RIMS2: variants seen among roughly 807,000 people sequenced by gnomAD.
RIMS2 encodes the protein regulating synaptic membrane exocytosis protein 2.
A neutral mutation model predicts 174.4 loss-of-function variants in RIMS2; 59 were observed. That is an observed-to-expected ratio of 0.34 (90% CI 0.27 to 0.42). The LOEUF (loss-of-function observed/expected upper bound fraction) is 0.42, where lower values mean the gene tolerates loss of function less well. Ranked by LOEUF, RIMS2 falls within the 10% of genes least tolerant of loss-of-function variation. The probability of loss-of-function intolerance (pLI) is 1.00; values close to 1 mark genes in which losing one functional copy is unlikely to be tolerated. For synonymous variants in RIMS2, 606 were observed against 572.5 expected, an observed-to-expected ratio of 1.06 and a Z score of -0.84; for missense variants, 1,620 against 1,666.3, an observed-to-expected ratio of 0.97 and a Z score of 0.48.
rs989863164 is a variant in RIMS2, at chr8:103,833,140, TTTTG to T, written c.699-52146_699-52143del. On this transcript the variant is annotated intron_variant, in intron 3 of 23. Transcript: ENST00000504942. ...AATAGAATTCTATGTTGACACTCTTTTTTGTTTGTTTGTTTTTAAATTTACGTTT... is the reference window on the plus strand; with the variant it reads ...AATAGAATTCTATGTTGACACTCTTTTTTGTTTGTTTTTAAATTTACGTTT... Among the ~76,000 whole-genome samples, 14 of 152,330 alleles carry T rather than the reference TTTTG, an allele frequency of 9.2e-5. No homozygotes were observed. The South Asian group carries it at 1.0e-3, about 11-fold the overall frequency.
intron 19 of RIMS2, chr8:104,041,350 G>A: frequency 2.9e-6 from 2 of 695,744 alleles, no homozygotes; most frequent in Non-Finnish European, 5.3e-6. Context: ...ACAAGGAGAA[G>A]ATATGCAGGT....
chr8:104,248,616 C>A, intron 20 of RIMS2, 85 bp from the exon 27 acceptor site: 1 of 783,852 alleles, frequency 1.3e-6, no homozygotes, highest in Non-Finnish European at 2.3e-6. Context: ...AGTCTTGCCA[C>A]AATAATGAGG....
At chr8:104,059,681 A>G (rs2096941432) in intron 19 of RIMS2, among the ~76,000 whole-genome samples, 1 of 149,152 alleles carries the variant, frequency 6.7e-6, no homozygotes, top group Non-Finnish European at 1.5e-5. Context: ...GTTTTTGCCC[A>G]TTCAGTATGA....
At chr8:104,141,976 T>C (rs2098581811) in intron 19 of RIMS2, among the ~76,000 whole-genome samples, 1 of 152,240 alleles carries the variant, frequency 6.6e-6, no homozygotes, top group Non-Finnish European at 1.5e-5. Context: ...TCTTTCACTA[T>C]GACAGTATGA....
rs149901858 is a variant in RIMS2, at chr8:103,508,058, G to C, written c.176+6996G>C. Among the ~76,000 whole-genome samples the C allele has an allele frequency of 4.2e-3, 637 of 152,198 alleles. 4 individuals are homozygous for C. Among genetic ancestry groups the C allele is most frequent in the African/African-American group, 0.015 (607 of 41,532 alleles). On this transcript the variant is annotated intron_variant, in intron 1 of 23. Coordinates refer to ENST00000504942, the Ensembl canonical transcript of RIMS2. ...CTCTATGGTATTGTTTGATTATATT[G>C]TGTTATATTACATGGTGTCACATAG...
chr8:103,813,104 T>C (rs2098698996), intron 3 of RIMS2, among the ~76,000 whole-genome samples: 1 of 152,214 alleles, frequency 6.6e-6, no homozygotes, highest in Non-Finnish European at 1.5e-5. Flanking sequence ...ATTCATTAGC[T>C]TTGTTTAGTT....
At chr8:104,165,653 C>T (rs1175108278) in intron 19 of RIMS2, among the ~76,000 whole-genome samples, 1 of 146,646 alleles carries the variant, frequency 6.8e-6, no homozygotes, top group Non-Finnish European at 1.5e-5. Flanking sequence ...CTATCAACTG[C>T]TTTTTTTTTT....
intron 3 of RIMS2, among the ~76,000 whole-genome samples, chr8:103,792,930 G>A (rs1262837182): frequency 6.6e-6 from 1 of 152,076 alleles, no homozygotes; most frequent in East Asian, 1.9e-4. Context: ...TGAAATTGAG[G>A]CAATAATTAA....
chr8:104,198,174 A>G (rs1156504932), intron 19 of RIMS2, among the ~76,000 whole-genome samples: 2 of 152,106 alleles, frequency 1.3e-5, no homozygotes, highest in Non-Finnish European at 1.5e-5. Context: ...AGTTTTTGCT[A>G]AAAAAACAAA....
At chr8:103,786,849 C>T (rs956533881) in intron 3 of RIMS2, among the ~76,000 whole-genome samples, 11 of 152,112 alleles carry the variant, frequency 7.2e-5, no homozygotes, top group Non-Finnish European at 1.0e-4. Context: ...TTTCGTTGAT[C>T]TGTCTAATGT....
chr8:104,195,514 CTTTT>C (rs34923122), intron 19 of RIMS2, among the ~76,000 whole-genome samples: 6 of 111,766 alleles, frequency 5.4e-5, no homozygotes, highest in African/African-American at 6.6e-5. Flanking sequence ...ATTTTATCTC[CTTTT>C]TTTTTTTTTT....
chr8:103,676,912 A>G (rs1297201999), intron 1 of RIMS2, among the ~76,000 whole-genome samples: 1 of 152,206 alleles, frequency 6.6e-6, no homozygotes, highest in Non-Finnish European at 1.5e-5. Context: ...TGAACCCAGA[A>G]GGCAGAGGTT....
intron 19 of RIMS2, among the ~76,000 whole-genome samples, chr8:104,231,937 A>G (rs1416908700): frequency 6.6e-6 from 1 of 152,208 alleles, no homozygotes; most frequent in Non-Finnish European, 1.5e-5. Flanking sequence ...CTTATCATGC[A>G]GTGCAGAATT....
At chr8:103,541,924 T>A (rs1488374058) in intron 1 of RIMS2, among the ~76,000 whole-genome samples, 1 of 151,970 alleles carries the variant, frequency 6.6e-6, no homozygotes, top group Non-Finnish European at 1.5e-5. Context: ...AACCACAAAA[T>A]GAAAACCTAT....
intron 13 of RIMS2, 40 bp downstream of exon 15, chr8:103,936,762 T>C: frequency 7.2e-7 from 1 of 1,394,144 alleles, no homozygotes; most frequent in Non-Finnish European, 9.9e-7. Context: ...ATTCATGTTA[T>C]CCTGAATACT....
At chr8:103,983,686 G>A (rs1170267820) in intron 16 of RIMS2, among the ~76,000 whole-genome samples, 1 of 152,102 alleles carries the variant, frequency 6.6e-6, no homozygotes, top group African/African-American at 2.4e-5. Flanking sequence ...GGGAACACTG[G>A]ATATCTATAT....
At chr8:103,839,623 C>A (rs2098927829) in intron 3 of RIMS2, among the ~76,000 whole-genome samples, 1 of 152,154 alleles carries the variant, frequency 6.6e-6, no homozygotes, top group South Asian at 2.1e-4. Flanking sequence ...AATTTTTCTT[C>A]AACTTTCAGT....
At chr8:103,546,267 T>C (rs1845053542) in intron 1 of RIMS2, among the ~76,000 whole-genome samples, 1 of 152,034 alleles carries the variant, frequency 6.6e-6, no homozygotes, top group Admixed American at 6.5e-5. Context: ...AACCCAACAA[T>C]GATTTAAGAG....
At chr8:103,831,562 A>C (rs917644967) in intron 3 of RIMS2, among the ~76,000 whole-genome samples, 1 of 152,074 alleles carries the variant, frequency 6.6e-6, no homozygotes, top group Non-Finnish European at 1.5e-5. Flanking sequence ...TTCACACCTT[A>C]CTTTGCTTCC....
Sources: gnomAD v4.1 joint callset for allele counts (sites outside exome capture counted in the v4.1 genomes callset) on GRCh38, gnomAD v4.1.1 for gene constraint, MANE v1.5 for transcripts, NCBI Gene and HGNC (gene_info 2026-07-23, HGNC 2026-07-21) for gene names.